Variants in ATXN7L2 observed in about 807,000 individuals in gnomAD.
The protein encoded by ATXN7L2 is ataxin 7 like 2.
A neutral mutation model predicts 59.6 loss-of-function variants in ATXN7L2; 17 were observed. That is an observed-to-expected ratio of 0.29 (90% CI 0.20 to 0.43). The LOEUF (loss-of-function observed/expected upper bound fraction) is 0.43. Among genes scored for constraint, ATXN7L2 ranks in the 20% least tolerant of loss-of-function variants. The probability of loss-of-function intolerance (pLI) is 1.00; values close to 1 mark genes in which losing one functional copy is unlikely to be tolerated. For missense variants in ATXN7L2, 858 were observed against 1,008.9 expected (o/e 0.85, Z 2.03); for synonymous variants, 378 against 392.5 (o/e 0.96, Z 0.44).
chr1:109,486,250 G>T lies in ATXN7L2; in HGVS notation c.193+128G>T. On this transcript the variant is annotated intron_variant, in intron 2 of 10. Coordinates refer to ENST00000683729, the MANE Select transcript of ATXN7L2 (RefSeq NM_001350175.2). This position sits in a 1 kb window ranked among gnomAD's most constrained non-coding sequence, Gnocchi z 4.3. ...TGGGGACCCTCATTTTGATAGGTCC[G>T]AGTCGGCCGGTTGTTCTGGCTCCTG... 7.2e-7 allele frequency: 1 copy of T among 1,380,394 alleles called. No homozygotes were observed. Among genetic ancestry groups the T allele is most frequent in the Non-Finnish European group, 9.6e-7 (1 of 1,039,460 alleles). The allele number at this position is 1,380,394 out of a possible 1,614,324, so 85.5% of individuals were successfully genotyped here.
At position 109,488,695 on chromosome 1, in the gene ATXN7L2, TG is replaced by T; in HGVS notation, c.880-147del. The T allele has an allele frequency of 8.7e-7, 1 of 1,143,118 alleles. No individual in the cohort carries two copies. Among genetic ancestry groups the T allele is most frequent in the Non-Finnish European group, 1.2e-6 (1 of 803,384 alleles). The allele number at this position is 1,143,118 out of a possible 1,614,324, so 70.8% of individuals were successfully genotyped here. Reference sequence around the variant, plus strand: ...ATCCCAAAGGAGGGTTTTGGCCCCATGGGGGAATGAAACAAAGACACATGAA... The same window carrying T: ...ATCCCAAAGGAGGGTTTTGGCCCCATGGGGAATGAAACAAAGACACATGAA... On this transcript the variant is annotated intron_variant, in intron 6 of 10. Transcript: ENST00000683729. This position sits in a 1 kb window ranked among gnomAD's most constrained non-coding sequence, Gnocchi z 5.0.
In ATXN7L2 at chr1:109,487,587, G is replaced by A; in HGVS notation, c.579G>A (p.Arg193=). ...CGAAGCCTGATGGACATGGAATCAGGGTGGCCCCACCCTCTGCTTTTCTCA... is the reference window on the plus strand; with the variant it reads ...CGAAGCCTGATGGACATGGAATCAGAGTGGCCCCACCCTCTGCTTTTCTCA... ...SLPKPDGHGI[R]VAPPSAFLSQ... Residue 193 remains arginine (R), a synonymous_variant, in exon 5 of 11, where the codon AGG becomes AGA. Coordinates refer to ENST00000683729, the MANE Select transcript of ATXN7L2 (RefSeq NM_001350175.2). 6.4e-7 allele frequency: 1 copy of A among 1,558,600 alleles called. No individual in the cohort carries two copies. Among genetic ancestry groups the A allele is most frequent in the Non-Finnish European group, 8.7e-7 (1 of 1,154,658 alleles).
rs952682137 is a variant in ATXN7L2, at chr1:109,489,664, G to A, written c.1134-266G>A. ...ACTGTGAAGATTTTCTGGAGGAGGCGGATCTGCAGCAGATTATCCCCTGAG... is the reference window on the plus strand; with the variant it reads ...ACTGTGAAGATTTTCTGGAGGAGGCAGATCTGCAGCAGATTATCCCCTGAG... On this transcript the variant is annotated intron_variant, in intron 7 of 10. Transcript: ENST00000683729. The A allele has an allele frequency of 1.1e-4, 57 of 530,098 alleles. 1 individual carries two copies. In the Middle Eastern group the frequency reaches 2.0e-3, roughly 18 times the overall value. The allele number at this position is 530,098 out of a possible 1,614,324, so 32.8% of individuals were successfully genotyped here. A position where few individuals can be genotyped will look rare whatever the true frequency, so the allele number is the denominator to read the frequency against.
In ATXN7L2 at chr1:109,486,387, G is replaced by C; in HGVS notation, c.194-119G>C. The stretch of plus-strand genomic sequence containing the variant: ...GGAAGCTGGAAGCATTCAGCATGGA[G>C]CTTGTTATATCAGCGGGGAGGTGAA... On this transcript the variant is annotated intron_variant, in intron 2 of 10. Coordinates refer to ENST00000683729, the MANE Select transcript of ATXN7L2 (RefSeq NM_001350175.2). The surrounding 1 kb of genome is among the most constrained non-coding windows in gnomAD (Gnocchi z 4.3). 3.1e-6 allele frequency: 3 copies of C among 981,864 alleles called. No homozygotes were observed. Among genetic ancestry groups the C allele is most frequent in the Non-Finnish European group, 4.5e-6 (3 of 660,984 alleles). 60.8% of individuals were successfully genotyped at this position (981,864 alleles called of 1,614,324 possible). A position where few individuals can be genotyped will look rare whatever the true frequency, so the allele number is the denominator to read the frequency against.
chr1:109,486,010 C>T lies in ATXN7L2; in HGVS notation c.128-47C>T, dbSNP rs754814591. The T allele has an allele frequency of 1.3e-6, 2 of 1,498,276 alleles. No homozygotes were observed. Among genetic ancestry groups the T allele is most frequent in the East Asian group, 2.4e-5 (1 of 41,214 alleles). 92.8% of individuals were successfully genotyped at this position (1,498,276 alleles called of 1,614,324 possible). A position where few individuals can be genotyped will look rare whatever the true frequency, so the allele number is the denominator to read the frequency against. On this transcript the variant is annotated intron_variant, in intron 1 of 10. Coordinates refer to ENST00000683729, the MANE Select transcript of ATXN7L2 (RefSeq NM_001350175.2). The surrounding 1 kb of genome is among the most constrained non-coding windows in gnomAD (Gnocchi z 4.3). ...GTCTCTGGTAAGGAGAGGCTGGAGA[C>T]TCTCTAAAACTGGCCCTGACCCTTC...
In ATXN7L2 at chr1:109,491,542, C is replaced by A. The variant is rs774805295; in HGVS notation, c.2075C>A (p.Thr692Asn). The A allele has an allele frequency of 1.9e-6, 3 of 1,614,020 alleles. No homozygotes were observed. In the Admixed American group the frequency reaches 5.0e-5, roughly 27 times the overall value. The change falls in exon 10 of 11, where the codon ACC becomes AAC. Residue 692 changes from threonine (T) to asparagine (N), a missense_variant. By Grantham distance (65) the Thr-to-Asn change is moderately conservative. Transcript: ENST00000683729. The surrounding 1 kb of genome is among the most constrained non-coding windows in gnomAD (Gnocchi z 4.1). ...AAGHPAKALP[T>N]NCLSEEEVAK... ...GGACACCCAGCCAAGGCCCTGCCAA[C>A]CAACTGCCTCTCTGAGGAGGAGGTG... is the stretch of plus-strand genomic sequence containing the variant.
In ATXN7L2 at chr1:109,487,646, G is replaced by T. The variant is rs750879373; in HGVS notation, c.638G>T (p.Gly213Val). 7 of 1,609,940 alleles carry T rather than the reference G, an allele frequency of 4.3e-6. No homozygotes were observed. The highest frequency in any genetic ancestry group is 5.9e-6 in the Non-Finnish European group (7 of 1,178,144). The change falls in exon 5 of 11, where the codon GGA (glycine) becomes GTA (valine). Residue 213 changes from glycine (G) to valine (V), a missense_variant. Coordinates refer to ENST00000683729, the MANE Select transcript of ATXN7L2 (RefSeq NM_001350175.2). ...GGGGGCCTCACCAAGGACTCCCCTG[G>T]AAAACCTCCCATGGCTCCCCCTTCT... ...QPGGLTKDSP[G>V]KPPMAPPSKE...
At chr1:109,492,750 C>T, downstream of ATXN7L2, 1 of 857,922 alleles carries the variant, frequency 1.2e-6, no homozygotes, top group Non-Finnish European at 1.8e-6. Context: ...TCTCCCTGTT[C>T]TGTTGCTGCT....
intron 1 of ATXN7L2, chr1:109,485,514 C>T (rs879355110): frequency 1.1e-5 from 11 of 985,234 alleles, no homozygotes; most frequent in Non-Finnish European, 1.2e-5. Flanking sequence ...GCTATGGTAA[C>T]CCAGGTGGAG....
chr1:109,488,950 A>G lies in ATXN7L2; in HGVS notation c.983A>G (p.Lys328Arg). 1.2e-6 allele frequency: 2 copies of G among 1,614,144 alleles called. No homozygotes were observed. Among genetic ancestry groups the G allele is most frequent in the South Asian group, 1.1e-5 (1 of 91,090 alleles). The change falls in exon 7 of 11, where the codon AAG (lysine) becomes AGG (arginine). Residue 328 changes from lysine to arginine, a missense_variant. Around this residue, in one of 3 missense-constraint regions of ATXN7L2, gnomAD observed 734 missense variants for 862.3 expected, o/e 0.85. Transcript: ENST00000683729. The surrounding 1 kb of genome is among the most constrained non-coding windows in gnomAD (Gnocchi z 5.0). ...AACTCCCGCAAAGGGGAGTCTCCCA[A>G]GGAGAAGAGCCCAGGGCGCAAGGAG... ...KANSRKGESP[K>R]EKSPGRKEQV...
At position 109,483,998 on chromosome 1, in the gene ATXN7L2, G is replaced by A. The variant is rs1466388803; in HGVS notation, c.45G>A (p.Glu15=). 3 of 1,346,736 alleles carry A rather than the reference G, an allele frequency of 2.2e-6. No homozygotes were observed. Among genetic ancestry groups the A allele is most frequent in the Non-Finnish European group, 2.9e-6 (3 of 1,038,156 alleles). 83.4% of individuals were successfully genotyped at this position (1,346,736 alleles called of 1,614,324 possible). A position where few individuals can be genotyped will look rare whatever the true frequency, so the allele number is the denominator to read the frequency against. Residue 15 remains glutamate (E), a synonymous_variant, in exon 1 of 11, where the codon GAG becomes GAA. Coordinates refer to ENST00000683729, the MANE Select transcript of ATXN7L2 (RefSeq NM_001350175.2). The part of the protein sequence containing the change: ...ERAAAAMAAL[E]RRVPSLDDFA... ...CGGCGGCAGCAATGGCCGCTCTGGA[G>A]CGGCGGGTGCCGAGTCTCGATGACT...
chr1:109,486,050 C>T lies in ATXN7L2; in HGVS notation c.128-7C>T, dbSNP rs1159627554. The T allele has an allele frequency of 7.0e-6, 11 of 1,579,732 alleles. No individual in the cohort carries two copies. Among genetic ancestry groups the T allele is most frequent in the South Asian group, 1.2e-5 (1 of 85,010 alleles). Reference sequence around the variant, plus strand: ...CCTGACCCTTCTGAGCTGTGTTTCTCCTCTAGGGGCTGAGCTGGAGGAGAG... The same window carrying T: ...CCTGACCCTTCTGAGCTGTGTTTCTTCTCTAGGGGCTGAGCTGGAGGAGAG... On this transcript the variant is annotated splice_polypyrimidine_tract_variant and splice_region_variant and intron_variant, in intron 1 of 10. Transcript: ENST00000683729. This position sits in a 1 kb window ranked among gnomAD's most constrained non-coding sequence, Gnocchi z 4.3.
intron 1 of ATXN7L2, 78 bp downstream of exon 1, chr1:109,484,158 G>C (rs1313177391): frequency 3.2e-6 from 4 of 1,265,086 alleles, no homozygotes; most frequent in Non-Finnish European, 3.0e-6. Context: ...CCAGCTGAGG[G>C]GAGCCGCCGA....
rs957609470 is a variant in ATXN7L2, at chr1:109,487,663, C to T, written c.655C>T (p.Pro219Ser). The change falls in exon 5 of 11, where the codon CCC (proline) becomes TCC (serine). Residue 219 changes from proline to serine, a missense_variant. Around this residue, in one of 3 missense-constraint regions of ATXN7L2, gnomAD observed 734 missense variants for 862.3 expected, o/e 0.85. Coordinates refer to ENST00000683729, the MANE Select transcript of ATXN7L2 (RefSeq NM_001350175.2). ...CTCCCCTGGAAAACCTCCCATGGCT[C>T]CCCCTTCTAAAGAACCTCCTGGCAG... The part of the protein sequence containing the change: ...KDSPGKPPMA[P>S]PSKEPPGREN... 4 of 1,611,620 alleles carry T rather than the reference C, an allele frequency of 2.5e-6. No individual in the cohort carries two copies. In the African/African-American group the frequency reaches 5.3e-5, roughly 22 times the overall value.
Position 109,487,334 on chromosome 1 carries a change from C to T in ATXN7L2, c.509+117C>T. On this transcript the variant is annotated intron_variant, in intron 4 of 10. Coordinates refer to ENST00000683729, the MANE Select transcript of ATXN7L2 (RefSeq NM_001350175.2). ...ACTCCTCACAGCAGGAGGCAGCCGT[C>T]CTGTCTGCAGCTTCCTTCCATATAT... The T allele has an allele frequency of 2.5e-6, 3 of 1,197,098 alleles. No individual in the cohort carries two copies. In the South Asian group the frequency reaches 5.2e-5, roughly 21 times the overall value. The allele number at this position is 1,197,098 out of a possible 1,614,324, so 74.2% of individuals were successfully genotyped here. A position where few individuals can be genotyped will look rare whatever the true frequency, so the allele number is the denominator to read the frequency against.
rs1657116946 is a variant in ATXN7L2 at position 109,491,966 on chromosome 1, C to T, written c.2250+249C>T. ...TGAGGAGATGCGGCACCCCTCCACC[C>T]CTGCTTTTGCTATAATCAAAGGGCT... On this transcript the variant is annotated intron_variant, in intron 10 of 10. Transcript: ENST00000683729. The surrounding 1 kb of genome is among the most constrained non-coding windows in gnomAD (Gnocchi z 4.1). 9 of 1,264,006 alleles carry T rather than the reference C, an allele frequency of 7.1e-6. No individual in the cohort carries two copies. In the South Asian group the frequency reaches 2.2e-4, roughly 30 times the overall value. 78.3% of individuals were successfully genotyped at this position (1,264,006 alleles called of 1,614,324 possible). A position where few individuals can be genotyped will look rare whatever the true frequency, so the allele number is the denominator to read the frequency against.
In ATXN7L2 at chr1:109,487,232, GA is replaced by G. The variant is rs1258843729; in HGVS notation, c.509+18del. The G allele has an allele frequency of 2.7e-6, 4 of 1,507,360 alleles. No homozygotes were observed. Among genetic ancestry groups the G allele is most frequent in the Non-Finnish European group, 2.7e-6 (3 of 1,125,368 alleles). 93.4% of individuals were successfully genotyped at this position (1,507,360 alleles called of 1,614,324 possible). On this transcript the variant is annotated intron_variant, in intron 4 of 10. Transcript: ENST00000683729. ...GACAACCTCTGGTAAGGAGAGGCTG[GA>G]AACTTTCTAAGACTGGCCCTGACCC...
chr1:109,486,337 T>C lies in ATXN7L2; in HGVS notation c.194-169T>C. On this transcript the variant is annotated intron_variant, in intron 2 of 10. Coordinates refer to ENST00000683729, the MANE Select transcript of ATXN7L2 (RefSeq NM_001350175.2). The surrounding 1 kb of genome is among the most constrained non-coding windows in gnomAD (Gnocchi z 4.3). Reference sequence around the variant, plus strand: ...CCCACTCACCTGAAAGCGTATACCCTTTGGGACTGCTTAGATCGAACTCTG... The same window carrying C: ...CCCACTCACCTGAAAGCGTATACCCCTTGGGACTGCTTAGATCGAACTCTG... 1.1e-6 allele frequency: 1 copy of C among 940,670 alleles called. No homozygotes were observed. The highest frequency in any genetic ancestry group is 2.7e-5 in the East Asian group (1 of 37,420). 58.3% of individuals were successfully genotyped at this position (940,670 alleles called of 1,614,324 possible). A position where few individuals can be genotyped will look rare whatever the true frequency, so the allele number is the denominator to read the frequency against.
chr1:109,487,427 G>T (rs1443767044), intron 4 of ATXN7L2, 91 bp from the exon 5 acceptor site: 1 of 1,330,424 alleles, frequency 7.5e-7, no homozygotes. Flanking sequence ...AAATTCCAGG[G>T]CTGGGAAAGA....
Sources: allele counts gnomAD v4.1 joint callset, GRCh38; gene constraint gnomAD v4.1.1; regional missense constraint gnomAD v4.1.1; non-coding constraint Gnocchi (gnomAD v3.1); transcripts MANE v1.5; gene names NCBI Gene and HGNC (gene_info 2026-07-23, HGNC 2026-07-21).